The following RHPN2 variants were observed in gnomAD, a reference collection of about 807,000 sequenced individuals.
The protein encoded by RHPN2 is rhophilin-2.
In RHPN2, 40 loss-of-function variants were observed where a neutral mutation model predicts 79.0. The ratio of observed to expected loss-of-function variants is 0.51; its 90% CI spans 0.39 to 0.66. The LOEUF (loss-of-function observed/expected upper bound fraction) is 0.66, where lower values mean the gene tolerates loss of function less well. Ranked by LOEUF, RHPN2 falls within the 30% of genes least tolerant of loss-of-function variation. The pLI is 0.00. For synonymous variants in RHPN2, 285 were observed against 363.5 expected, an observed-to-expected ratio of 0.78 and a Z score of 2.46; for missense variants, 686 against 883.5, an observed-to-expected ratio of 0.78 and a Z score of 2.83.
At chr19:32,990,403 C>T in intron 14 of RHPN2, 111 bp downstream of exon 14, 1 of 1,144,698 alleles carries the variant, frequency 8.7e-7, no homozygotes, top group Non-Finnish European at 1.3e-6. Flanking sequence ...GTCATTTGTA[C>T]CATGTTACAC....
intron 14 of RHPN2, among the ~76,000 whole-genome samples, chr19:32,983,429 A>G (rs140915133): frequency 0.061 from 9,176 of 151,518 alleles, 378 homozygotes; most frequent in Non-Finnish European, 0.09. Flanking sequence ...GGAGAATGGC[A>G]TGAACCAGGA....
At position 33,064,805 on chromosome 19, in the gene RHPN2, C is replaced by T. The variant is rs939583955; in HGVS notation, c.48G>A (p.Glu16=). The T allele has an allele frequency of 1.4e-5, 18 of 1,326,856 alleles. No individual in the cohort carries two copies. The highest frequency in any genetic ancestry group is 2.4e-5 in the Admixed American group (1 of 41,208). 82.2% of individuals were successfully genotyped at this position (1,326,856 alleles called of 1,614,324 possible). A position where few individuals can be genotyped will look rare whatever the true frequency, so the allele number is the denominator to read the frequency against. ...CCACCTTCCGAAAGTAGCCGTCGTT[C>T]TCCTTCTCCAGCGGCTGGGGGGCCG... is the stretch of plus-strand genomic sequence containing the variant. ...LPAAPQPLEK[E]NDGYFRKGCN... Residue 16 remains glutamate, a synonymous_variant, in exon 1 of 15, where the codon GAG becomes GAA. Coordinates refer to ENST00000254260, the MANE Select transcript of RHPN2 (RefSeq NM_033103.5).
At chr19:32,996,939 A>G (rs1325967523) in intron 10 of RHPN2, among the ~76,000 whole-genome samples, 1 of 151,944 alleles carries the variant, frequency 6.6e-6, no homozygotes, top group Non-Finnish European at 1.5e-5. Flanking sequence ...TTTGTTTCGC[A>G]CGCTGGAGTA....
At chr19:32,995,980 G>A (rs528406264) in intron 11 of RHPN2, 46 bp downstream of exon 11, 34 of 1,602,994 alleles carry the variant, frequency 2.1e-5, no homozygotes, top group South Asian at 1.3e-4. Flanking sequence ...TACTCTTTCC[G>A]CGGCACAGGC....
intron 4 of RHPN2, among the ~76,000 whole-genome samples, chr19:33,020,046 T>C (rs1455521785): frequency 6.6e-6 from 1 of 152,108 alleles, no homozygotes; most frequent in Admixed American, 6.6e-5. Flanking sequence ...TGTTCTCCAC[T>C]GAAGCACCTC....
rs1216120694 is a variant in RHPN2, at chr19:32,996,123, C to T, written c.1323G>A (p.Lys441=). The stretch of plus-strand genomic sequence containing the variant: ...AGCGTTCCTGTGCGGCACACAGCAC[C>T]TTCTGTAGCACCTCAATGCTCCGCA... ...KKLRSIEVLQ[K]VLCAAQERSR... The change falls in exon 11 of 15, where the codon AAG becomes AAA. Residue 441 remains lysine, a synonymous_variant. Coordinates refer to ENST00000254260, the MANE Select transcript of RHPN2 (RefSeq NM_033103.5). The T allele has an allele frequency of 6.2e-7, 1 of 1,614,112 alleles. No homozygotes were observed. Among genetic ancestry groups the T allele is most frequent in the East Asian group, 2.2e-5 (1 of 44,874 alleles).
chr19:33,011,985 T>C (rs1207669272), intron 5 of RHPN2, among the ~76,000 whole-genome samples, 182 bp from the exon 6 acceptor site: 1 of 151,446 alleles, frequency 6.6e-6, no homozygotes, highest in African/African-American at 2.4e-5. Flanking sequence ...TCAGAAATCC[T>C]GGAATCCAGT....
chr19:33,058,881 G>C (rs761169163), intron 1 of RHPN2, among the ~76,000 whole-genome samples: 56 of 152,140 alleles, frequency 3.7e-4, no homozygotes, highest in Non-Finnish European at 6.6e-4. Flanking sequence ...TGGATCACTT[G>C]AGGTCAGGAG....
intron 7 of RHPN2, among the ~76,000 whole-genome samples, chr19:33,005,723 G>A (rs566763473): frequency 8.6e-5 from 13 of 151,432 alleles, no homozygotes; most frequent in African/African-American, 2.4e-4. Flanking sequence ...GCTTCATTTC[G>A]TCTATAGTTT....
At chr19:33,025,311 T>TAAAA (rs201499801) in intron 3 of RHPN2, among the ~76,000 whole-genome samples, 1,508 of 130,804 alleles carry the variant, frequency 0.012, 22 homozygotes, top group Middle Eastern at 0.028. Flanking sequence ...TGTCTCTACT[T>TAAAA]AAAAAAAAAA....
At chr19:33,009,094 G>T (rs1971816518) in intron 6 of RHPN2, among the ~76,000 whole-genome samples, 2 of 150,774 alleles carry the variant, frequency 1.3e-5, no homozygotes, top group South Asian at 4.2e-4. Flanking sequence ...ATCAGGGGTT[G>T]CCAGGACTTA....
chr19:33,021,687 C>T (rs781037936), intron 3 of RHPN2, 41 bp from the exon 4 acceptor site: 38 of 1,523,978 alleles, frequency 2.5e-5, no homozygotes, highest in South Asian at 2.0e-4. Flanking sequence ...CACCCCCAAC[C>T]GGACCCCTGT....
chr19:33,048,643 T>C (rs543311730), intron 1 of RHPN2, among the ~76,000 whole-genome samples: 67 of 139,372 alleles, frequency 4.8e-4, no homozygotes, highest in Admixed American at 8.7e-4. Context: ...GGAGAATCAC[T>C]TGAACCCGGG....
At chr19:33,022,395 C>T (rs145680714) in intron 3 of RHPN2, among the ~76,000 whole-genome samples, 1 of 152,144 alleles carries the variant, frequency 6.6e-6, no homozygotes, top group East Asian at 1.9e-4. Flanking sequence ...CCCCCCTCAG[C>T]GGGCCCCACA....
At chr19:33,034,523 G>A (rs1427791144) in intron 2 of RHPN2, among the ~76,000 whole-genome samples, 4 of 148,454 alleles carry the variant, frequency 2.7e-5, no homozygotes, top group African/African-American at 5.0e-5. Flanking sequence ...GAAGAATGGC[G>A]TGAACCTGGG....
chr19:33,057,137 G>C (rs1283860469), intron 1 of RHPN2, among the ~76,000 whole-genome samples: 2 of 118,262 alleles, frequency 1.7e-5, no homozygotes, highest in Non-Finnish European at 3.3e-5. Flanking sequence ...AAAAAAAAAA[G>C]AGTTCGAGGC....
rs1416934993 is a variant in RHPN2, at chr19:32,980,263, A to G, written c.1801-7T>C. ...ATGTGGCACTCTTATTATGCTGCAC[A>G]TAGAAAAGTAAGAAAAAGGGCGTCA... is the stretch of plus-strand genomic sequence containing the variant. On this transcript the variant is annotated splice_region_variant and splice_polypyrimidine_tract_variant and intron_variant, in intron 14 of 14. Coordinates refer to ENST00000254260, the MANE Select transcript of RHPN2 (RefSeq NM_033103.5). 1.2e-5 allele frequency: 19 copies of G among 1,613,968 alleles called. No homozygotes were observed. Among genetic ancestry groups the G allele is most frequent in the Non-Finnish European group, 1.6e-5 (19 of 1,179,864 alleles).
At chr19:33,041,725 TC>T (rs1454030988) in intron 2 of RHPN2, among the ~76,000 whole-genome samples, 1 of 152,170 alleles carries the variant, frequency 6.6e-6, no homozygotes, top group East Asian at 1.9e-4. Context: ...TGGGCCAACC[TC>T]TATGATATTC....
rs368399039 is a variant in RHPN2, at chr19:33,035,869, C to A, written c.185+8380G>T. 7.9e-5 allele frequency among the ~76,000 whole-genome samples: 12 copies of A among 152,264 alleles called. 1 individual carries two copies. The highest frequency in any genetic ancestry group is 5.8e-4 in the East Asian group (3 of 5,182). On this transcript the variant is annotated intron_variant, in intron 2 of 14. Coordinates refer to ENST00000254260, the MANE Select transcript of RHPN2 (RefSeq NM_033103.5). ...CCATGGCTCACGCCTATAATCCCAG[C>A]ACTTTGGGAGGCCGAGGTGGGCAGA...
Sources: allele counts gnomAD v4.1 joint callset (sites outside exome capture counted in the v4.1 genomes callset), GRCh38; gene constraint gnomAD v4.1.1; transcripts MANE v1.5; gene names NCBI Gene and HGNC (gene_info 2026-07-23, HGNC 2026-07-21).